Variants in LDHB observed in about 807,000 individuals in gnomAD.
LDHB encodes the protein L-lactate dehydrogenase B chain.
Under a neutral mutation model 33.4 loss-of-function variants are expected in LDHB, and 18 were observed. The observed-to-expected ratio is 0.54, with a 90% CI of 0.37 to 0.80. The LOEUF is 0.80. LDHB is among the 30% of genes least tolerant of loss of function. The pLI, the probability that LDHB is intolerant of heterozygous loss-of-function variation, is 0.00. For missense variants in LDHB, 345 were observed against 407.9 expected, an observed-to-expected ratio of 0.85 and a Z score of 1.33; for synonymous variants, 121 against 140.6, an observed-to-expected ratio of 0.86 and a Z score of 0.98.
Position 21,635,491 on chromosome 12 carries a change from C to T in LDHB, c.*51G>A, listed in dbSNP as rs748055140. On this transcript the variant is annotated 3_prime_UTR_variant, in exon 8 of 8. Coordinates refer to ENST00000350669, the MANE Select transcript of LDHB (RefSeq NM_002300.8). The stretch of plus-strand genomic sequence containing the variant: ...TGTACATGGATGAAAACTAAAGGCT[C>T]GAGTTAATCACATTGTAGTTTTTAA... The T allele has an allele frequency of 1.5e-5, 22 of 1,435,880 alleles. No individual in the cohort carries two copies. The highest frequency in any genetic ancestry group is 4.5e-5 in the East Asian group (2 of 44,066). The allele number at this position is 1,435,880 out of a possible 1,614,324, so 88.9% of individuals were successfully genotyped here.
chr12:21,650,191 G>A lies in LDHB; in HGVS notation c.130-3175C>T, dbSNP rs192190969. 2.5e-4 allele frequency among the ~76,000 whole-genome samples: 38 copies of A among 151,726 alleles called. No individual in the cohort carries two copies. In the East Asian group the frequency reaches 3.5e-3, roughly 14 times the overall value. ...GTGTTTAGTATGCATAAAATTTTGC[G>A]GGAGGAAAAGGTATAACCTTTCTCA... On this transcript the variant is annotated intron_variant, in intron 2 of 7. Coordinates refer to ENST00000350669, the MANE Select transcript of LDHB (RefSeq NM_002300.8).
chr12:21,643,854 G>T, intron 4 of LDHB, 81 bp downstream of exon 4: 2 of 1,087,984 alleles, frequency 1.8e-6, no homozygotes, highest in South Asian at 1.2e-5. Context: ...TACTGGGACT[G>T]ATTTTAGTCC....
intron 2 of LDHB, among the ~76,000 whole-genome samples, chr12:21,648,293 G>A (rs1182063039): frequency 6.6e-6 from 1 of 152,102 alleles, no homozygotes; most frequent in Non-Finnish European, 1.5e-5. Context: ...TCAAGGGATT[G>A]GTTCTAGGAC....
chr12:21,649,387 C>T (rs73260142), intron 2 of LDHB, among the ~76,000 whole-genome samples: 2,722 of 152,238 alleles, frequency 0.018, 89 homozygotes, highest in African/African-American at 0.061. Context: ...AATGGAGAGG[C>T]GTGATGTGTG....
chr12:21,644,942 T>C (rs543080033), intron 3 of LDHB, among the ~76,000 whole-genome samples: 9 of 152,316 alleles, frequency 5.9e-5, no homozygotes, highest in African/African-American at 2.2e-4. Flanking sequence ...TACTTTGTAC[T>C]GTGGGGAAAA....
In LDHB at chr12:21,650,139, C is replaced by T. The variant is rs1348139656; in HGVS notation, c.130-3123G>A. ...ACACACACACACACACACACACACA[C>T]ACACACACACACGTCTCTCTCTCCA... On this transcript the variant is annotated intron_variant, in intron 2 of 7. Transcript: ENST00000350669. Among the ~76,000 whole-genome samples, 671 of 147,314 alleles carry T rather than the reference C, an allele frequency of 4.6e-3. 11 individuals are homozygous for T. Among genetic ancestry groups the T allele is most frequent in the Middle Eastern group, 7.2e-3 (2 of 278 alleles).
At chr12:21,649,651 TTACTC>T (rs1938623864) in intron 2 of LDHB, among the ~76,000 whole-genome samples, 1 of 140,918 alleles carries the variant, frequency 7.1e-6, no homozygotes, top group African/African-American at 2.6e-5. Context: ...CTATTTATTT[TTACTC>T]TACTCCTGTG....
chr12:21,637,383 C>G, intron 6 of LDHB, 189 bp from the exon 7 acceptor site: 1 of 567,178 alleles, frequency 1.8e-6, no homozygotes, highest in South Asian at 2.1e-5. Flanking sequence ...ACTGTAAGCA[C>G]TACACAGTAA....
At chr12:21,651,298 C>T (rs1187000964) in intron 2 of LDHB, among the ~76,000 whole-genome samples, 1 of 152,144 alleles carries the variant, frequency 6.6e-6, no homozygotes, top group Non-Finnish European at 1.5e-5. Flanking sequence ...CATATGTGCA[C>T]TGTAAAATGA....
intron 1 of LDHB, among the ~76,000 whole-genome samples, chr12:21,655,903 A>G (rs1938830902): frequency 6.6e-6 from 1 of 152,200 alleles, no homozygotes. Context: ...CTAAATATAT[A>G]CCACCCTGTC....
chr12:21,653,684 AGAGT>A (rs1407218892), intron 2 of LDHB, among the ~76,000 whole-genome samples: 1 of 152,234 alleles, frequency 6.6e-6, no homozygotes, highest in Non-Finnish European at 1.5e-5. Flanking sequence ...ATATGGTGAG[AGAGT>A]ATAAATAACA....
chr12:21,643,917 T>C lies in LDHB; in HGVS notation c.421+18A>G. ...CACTGAACTTAACAGAACAGAGACT[T>C]AAAGTATACAATAATACCTGGGTTG... On this transcript the variant is annotated intron_variant, in intron 4 of 7. Transcript: ENST00000350669. The C allele has an allele frequency of 6.4e-7, 1 of 1,567,832 alleles. No homozygotes were observed. Among genetic ancestry groups the C allele is most frequent in the Non-Finnish European group, 8.8e-7 (1 of 1,138,012 alleles).
intron 2 of LDHB, among the ~76,000 whole-genome samples, chr12:21,651,676 G>A (rs534984036): frequency 6.6e-6 from 1 of 152,262 alleles, no homozygotes; most frequent in African/African-American, 2.4e-5. Flanking sequence ...AATAAATGAA[G>A]TAATATACAA....
intron 1 of LDHB, among the ~76,000 whole-genome samples, chr12:21,655,957 C>T (rs1650317): frequency 0.94 from 143,925 of 152,306 alleles, 68,510 homozygotes; most frequent in East Asian, 1. Context: ...CTTTTCTTCA[C>T]AATTATTACT....
At chr12:21,641,258 A>G (rs1430995066) in intron 5 of LDHB, among the ~76,000 whole-genome samples, 1 of 152,172 alleles carries the variant, frequency 6.6e-6, no homozygotes, top group Admixed American at 6.6e-5. Context: ...AGTGTCACCA[A>G]TTGTTGGCCA....
chr12:21,641,851 A>G, intron 5 of LDHB, 101 bp downstream of exon 5: 2 of 1,011,154 alleles, frequency 2.0e-6, no homozygotes, highest in Admixed American at 2.3e-5. Flanking sequence ...AACTGTTCTT[A>G]AGTACATCAA....
chr12:21,652,038 C>G (rs1297508780), intron 2 of LDHB, among the ~76,000 whole-genome samples: 1 of 152,120 alleles, frequency 6.6e-6, no homozygotes, highest in Non-Finnish European at 1.5e-5. Context: ...TGAGTTGAGC[C>G]AAAGTGTTAT....
Position 21,635,716 on chromosome 12 carries a change from G to A in LDHB, c.838-7C>T. ...TCTCAATGCCATACATCCCCTGCCA[G>A]AACAACAAAGCATCGAGATTAAGAC... On this transcript the variant is annotated splice_polypyrimidine_tract_variant and splice_region_variant and intron_variant, in intron 7 of 7. Transcript: ENST00000350669. The A allele has an allele frequency of 6.2e-7, 1 of 1,612,736 alleles. No individual in the cohort carries two copies. The highest frequency in any genetic ancestry group is 8.5e-7 in the Non-Finnish European group (1 of 1,179,002).
chr12:21,654,381 C>T (rs569058292), intron 2 of LDHB, 162 bp downstream of exon 2: 3 of 657,658 alleles, frequency 4.6e-6, no homozygotes, highest in Admixed American at 5.1e-5. Context: ...TTAGGAGATA[C>T]ATGCTTAAAT....
Sources: gnomAD v4.1 joint callset for allele counts (sites outside exome capture counted in the v4.1 genomes callset) on GRCh38, gnomAD v4.1.1 for gene constraint, MANE v1.5 for transcripts, NCBI Gene and HGNC (gene_info 2026-07-23, HGNC 2026-07-21) for gene names.